The following PLCB1 variants were observed in gnomAD, a reference collection of about 807,000 sequenced individuals.
PLCB1 encodes the protein 1-phosphatidylinositol 4,5-bisphosphate phosphodiesterase beta-1.
In PLCB1, 46 loss-of-function variants were observed where a neutral mutation model predicts 161.8. The ratio of observed to expected loss-of-function variants is 0.28; its 90% CI spans 0.22 to 0.36. The LOEUF (loss-of-function observed/expected upper bound fraction) is 0.36, where lower values mean the gene tolerates loss of function less well. PLCB1 is among the 10% of genes least tolerant of loss of function. The pLI, the probability that PLCB1 is intolerant of heterozygous loss-of-function variation, is 1.00. For synonymous variants in PLCB1, 517 were observed against 503.7 expected (o/e 1.03, Z -0.35); for missense variants, 1,016 against 1,472.5 (o/e 0.69, Z 5.07).
chr20:8,740,641 G>A (rs185666721), intron 22 of PLCB1, among the ~76,000 whole-genome samples, 193 bp downstream of exon 22: 26 of 152,162 alleles, frequency 1.7e-4, no homozygotes, highest in Admixed American at 2.6e-4. Flanking sequence ...TTAATTTAAC[G>A]TATTTTAATT....
chr20:8,651,150 C>T (rs954945000), intron 7 of PLCB1, among the ~76,000 whole-genome samples: 1 of 152,140 alleles, frequency 6.6e-6, no homozygotes, highest in Non-Finnish European at 1.5e-5. Context: ...ACAAGGAAGC[C>T]TTTACCTAAG....
At chr20:8,523,621 G>T (rs1984467421) in intron 3 of PLCB1, among the ~76,000 whole-genome samples, 2 of 149,840 alleles carry the variant, frequency 1.3e-5, no homozygotes, top group South Asian at 2.1e-4. Context: ...TCTCAGGGAA[G>T]ACCTGAGATA....
At chr20:8,454,230 A>G (rs1461002573) in intron 3 of PLCB1, among the ~76,000 whole-genome samples, 1 of 152,180 alleles carries the variant, frequency 6.6e-6, no homozygotes, top group Non-Finnish European at 1.5e-5. Flanking sequence ...TGTCCCAGGC[A>G]TGTGACTGCA....
intron 31 of PLCB1, among the ~76,000 whole-genome samples, chr20:8,800,036 G>A (rs1984210866): frequency 6.6e-6 from 1 of 152,102 alleles, no homozygotes; most frequent in African/African-American, 2.4e-5. Context: ...GGATATGAAG[G>A]GGATGACTGT....
intron 7 of PLCB1, 49 bp downstream of exon 7, chr20:8,649,498 C>T: frequency 7.5e-7 from 1 of 1,335,874 alleles, no homozygotes; most frequent in South Asian, 1.2e-5. Flanking sequence ...CCCTCCAAAA[C>T]TCATGTTGAA....
At chr20:8,227,271 G>T (rs1203623887) in intron 2 of PLCB1, among the ~76,000 whole-genome samples, 1 of 152,096 alleles carries the variant, frequency 6.6e-6, no homozygotes, top group South Asian at 2.1e-4. Context: ...TAAGAGAAAA[G>T]CAAAAACAAT....
At chr20:8,722,449 A>T in intron 15 of PLCB1, 28 bp downstream of exon 15, 1 of 1,558,430 alleles carries the variant, frequency 6.4e-7, no homozygotes, top group South Asian at 1.1e-5. Context: ...CTGGTCCCTA[A>T]GGCATTCCAC....
At chr20:8,756,222 A>G (rs1337055359) in intron 23 of PLCB1, among the ~76,000 whole-genome samples, 1 of 152,180 alleles carries the variant, frequency 6.6e-6, no homozygotes, top group Non-Finnish European at 1.5e-5. Context: ...GTATTAACTT[A>G]TTTAATCATC....
intron 3 of PLCB1, among the ~76,000 whole-genome samples, chr20:8,497,073 G>A (rs145122225): frequency 2.2e-4 from 34 of 152,264 alleles, no homozygotes; most frequent in African/African-American, 7.9e-4. Flanking sequence ...GTGAATGTCA[G>A]TGATATATGT....
At chr20:8,342,640 G>A (rs1600329519) in intron 2 of PLCB1, among the ~76,000 whole-genome samples, 2 of 152,218 alleles carry the variant, frequency 1.3e-5, no homozygotes, top group East Asian at 3.9e-4. Flanking sequence ...GAATAGCCCG[G>A]CGCAAGAGCC....
chr20:8,785,301 AT>A (rs2146215864), intron 27 of PLCB1, among the ~76,000 whole-genome samples: 1 of 152,202 alleles, frequency 6.6e-6, no homozygotes, highest in South Asian at 2.1e-4. Context: ...GAACATGTAG[AT>A]TCTGACTTAG....
intron 2 of PLCB1, among the ~76,000 whole-genome samples, chr20:8,334,728 A>C (rs550477134): frequency 6.6e-6 from 1 of 152,216 alleles, no homozygotes; most frequent in African/African-American, 2.4e-5. Flanking sequence ...AAATGTTGCT[A>C]TCCTGAAACA....
intron 9 of PLCB1, among the ~76,000 whole-genome samples, chr20:8,665,746 A>C (rs6039222): frequency 0.46 from 69,458 of 151,986 alleles, 16,043 homozygotes; most frequent in Admixed American, 0.5. Flanking sequence ...ACTAGGTAGA[A>C]GTTATAAAAA....
At chr20:8,728,906 C>A in intron 17 of PLCB1, 144 bp from the exon 18 acceptor site, 2 of 505,786 alleles carry the variant, frequency 4.0e-6, no homozygotes, top group Admixed American at 4.1e-5. Flanking sequence ...ATAAAATTAA[C>A]ACTAAATATC....
rs1983594132 is a variant in PLCB1 at position 8,505,294 on chromosome 20, CT to C, written c.247-122997del. On this transcript the variant is annotated intron_variant, in intron 3 of 31. Transcript: ENST00000338037. The stretch of plus-strand genomic sequence containing the variant: ...TTCCATTTCTTCAGTCTATTGCCTC[CT>C]TTCTCATTGAGTGGCGAGCACTCTT... 1.3e-5 allele frequency among the ~76,000 whole-genome samples: 2 copies of C among 152,194 alleles called. 1 individual carries two copies. The highest frequency in any genetic ancestry group is 4.1e-4 in the South Asian group (2 of 4,830).
intron 31 of PLCB1, among the ~76,000 whole-genome samples, chr20:8,873,846 G>T (rs954875963): frequency 8.6e-5 from 13 of 151,860 alleles, no homozygotes; most frequent in African/African-American, 3.1e-4. Context: ...TGTTTTTGCT[G>T]TTTCTTGGCT....
chr20:8,681,076 A>G (rs6055993), intron 9 of PLCB1, among the ~76,000 whole-genome samples: 21 of 83,560 alleles, frequency 2.5e-4, no homozygotes, highest in South Asian at 1.6e-3. Flanking sequence ...ATGTGTGTAT[A>G]TGTGTGTGTG....
At chr20:8,177,200 GCTCTGCC>G (rs1433215134) in intron 2 of PLCB1, among the ~76,000 whole-genome samples, 3 of 152,112 alleles carry the variant, frequency 2.0e-5, no homozygotes, top group Non-Finnish European at 4.4e-5. Flanking sequence ...GGTCATGAGA[GCTCTGCC>G]CTCATGAATG....
intron 15 of PLCB1, among the ~76,000 whole-genome samples, chr20:8,723,905 T>C (rs6077414): frequency 0.93 from 140,189 of 151,318 alleles, 65,060 homozygotes; most frequent in East Asian, 1. Flanking sequence ...TACCCACCCC[T>C]GCCCATTTCC....
Sources: allele counts gnomAD v4.1 joint callset (sites outside exome capture counted in the v4.1 genomes callset), GRCh38; gene constraint gnomAD v4.1.1; transcripts MANE v1.5; gene names NCBI Gene and HGNC (gene_info 2026-07-23, HGNC 2026-07-21).